Variants in NAV2 observed in about 807,000 individuals in gnomAD.
NAV2 encodes the protein helicase, APC down-regulated 1.
Under a neutral mutation model 223.2 loss-of-function variants are expected in NAV2, and 54 were observed. That is an observed-to-expected ratio of 0.24 (90% confidence interval 0.19 to 0.30). The LOEUF (loss-of-function observed/expected upper bound fraction) is 0.30. NAV2 is among the 10% of genes least tolerant of loss of function. The probability of loss-of-function intolerance (pLI) is 1.00; values close to 1 mark genes in which losing one functional copy is unlikely to be tolerated. For missense variants in NAV2, 2,806 were observed against 3,147.5 expected (o/e 0.89, Z 2.60); for synonymous variants, 1,279 against 1,239.3 (o/e 1.03, Z -0.67).
At chr11:20,085,970 G>A (rs1326874575) in intron 26 of NAV2, among the ~76,000 whole-genome samples, 2 of 152,184 alleles carry the variant, frequency 1.3e-5, no homozygotes, top group African/African-American at 2.4e-5. Context: ...GCCTCCCAAT[G>A]AGCAGGGCAG....
intron 1 of NAV2, among the ~76,000 whole-genome samples, chr11:19,391,137 A>G (rs550849561): frequency 6.6e-6 from 1 of 152,288 alleles, no homozygotes; most frequent in Admixed American, 6.5e-5. Context: ...CATTGCTCAC[A>G]CTGCCTCCTG....
intron 11 of NAV2, among the ~76,000 whole-genome samples, chr11:20,011,698 G>A (rs1220931739): frequency 1.3e-5 from 2 of 152,186 alleles, no homozygotes; most frequent in African/African-American, 4.8e-5. Context: ...AAAAATGAGA[G>A]ATGTTTTATA....
Position 20,045,123 on chromosome 11 carries a change from A to C in NAV2, c.3355A>C (p.Ser1119Arg). The change falls in exon 14 of 38, where the codon AGC (serine) becomes CGC (arginine). Residue 1119 changes from serine (S) to arginine (R), a missense_variant. Around this residue, in one of 4 missense-constraint regions of NAV2, gnomAD observed 742 missense variants for 777.9 expected, o/e 0.95. Transcript: ENST00000349880. ...TAGGACACCTACTGCCAATGCCAAC[A>C]GCTTTGGGTTCAAGAAGCAGAGTGG... The part of the protein sequence containing the change: ...SSRTPTANAN[S>R]FGFKKQSGSA... 6.2e-7 allele frequency: 1 copy of C among 1,614,180 alleles called. No individual in the cohort carries two copies. The highest frequency in any genetic ancestry group is 8.5e-7 in the Non-Finnish European group (1 of 1,180,016).
chr11:19,436,332 G>T (rs1293832902), intron 1 of NAV2, among the ~76,000 whole-genome samples: 6 of 152,134 alleles, frequency 3.9e-5, no homozygotes, highest in African/African-American at 1.4e-4. Context: ...TTAAGAGACT[G>T]TTCTTTCCCC....
chr11:20,064,248 A>G (rs2058894481), intron 20 of NAV2, among the ~76,000 whole-genome samples: 1 of 152,152 alleles, frequency 6.6e-6, no homozygotes, highest in Admixed American at 6.5e-5. Context: ...ACCTAAATGC[A>G]CTTCTTCAAC....
intron 6 of NAV2, among the ~76,000 whole-genome samples, chr11:19,924,849 T>C (rs1187834200): frequency 6.6e-6 from 1 of 152,160 alleles, no homozygotes; most frequent in Non-Finnish European, 1.5e-5. Flanking sequence ...TGTTTATTGA[T>C]TTTTCTAACC....
At chr11:20,064,531 C>T (rs964968428) in intron 20 of NAV2, among the ~76,000 whole-genome samples, 1 of 152,112 alleles carries the variant, frequency 6.6e-6, no homozygotes, top group Non-Finnish European at 1.5e-5. Context: ...CAGCATTATG[C>T]AGACTTGGAG....
chr11:20,074,395 A>G (rs976615188), intron 22 of NAV2, among the ~76,000 whole-genome samples: 10 of 152,210 alleles, frequency 6.6e-5, no homozygotes, highest in African/African-American at 1.9e-4. Flanking sequence ...GGTGCTGAGA[A>G]GAACATATTT....
intron 1 of NAV2, among the ~76,000 whole-genome samples, chr11:19,524,225 G>A (rs1241688298): frequency 1.3e-5 from 2 of 152,206 alleles, no homozygotes; most frequent in Non-Finnish European, 2.9e-5. Flanking sequence ...ATGACTGGAG[G>A]AATGAGCACC....
intron 4 of NAV2, among the ~76,000 whole-genome samples, chr11:19,878,657 G>T (rs1357979673): frequency 6.6e-6 from 1 of 152,144 alleles, no homozygotes; most frequent in Non-Finnish European, 1.5e-5. Context: ...CTGGAGAAAG[G>T]GATGCTCCAA....
At chr11:19,437,018 T>C (rs1045229120) in intron 1 of NAV2, among the ~76,000 whole-genome samples, 1 of 152,188 alleles carries the variant, frequency 6.6e-6, no homozygotes, top group Admixed American at 6.5e-5. Flanking sequence ...GATCATGTAG[T>C]CAGCAGAGAC....
At chr11:20,027,301 G>C (rs996316510) in intron 11 of NAV2, 4 of 979,274 alleles carry the variant, frequency 4.1e-6, no homozygotes, top group African/African-American at 3.6e-5. Flanking sequence ...CGTTCCGCTC[G>C]GGCCCCGGGG....
chr11:19,590,141 A>C (rs2046017843), intron 1 of NAV2, among the ~76,000 whole-genome samples: 2 of 152,180 alleles, frequency 1.3e-5, no homozygotes, highest in Admixed American at 1.3e-4. Flanking sequence ...TGAGATAATA[A>C]TAGTACCTAG....
At chr11:19,448,617 A>G (rs932172250) in intron 1 of NAV2, among the ~76,000 whole-genome samples, 3 of 152,172 alleles carry the variant, frequency 2.0e-5, no homozygotes, top group Non-Finnish European at 2.9e-5. Context: ...CTGGGCTGTA[A>G]GTATTCATTA....
At chr11:19,848,651 A>G (rs948883351) in intron 3 of NAV2, among the ~76,000 whole-genome samples, 1 of 152,216 alleles carries the variant, frequency 6.6e-6, no homozygotes, top group Non-Finnish European at 1.5e-5. Context: ...GGCTTCCATG[A>G]GACAATCTAC....
intron 24 of NAV2, 67 bp downstream of exon 24, chr11:20,078,171 A>G (rs1233316164): frequency 9.2e-7 from 1 of 1,082,274 alleles, no homozygotes; most frequent in Non-Finnish European, 1.4e-6. Flanking sequence ...CCCTGACATC[A>G]TATGATGCAA....
intron 3 of NAV2, among the ~76,000 whole-genome samples, chr11:19,848,748 T>C (rs1751840412): frequency 6.6e-6 from 1 of 152,208 alleles, no homozygotes; most frequent in Non-Finnish European, 1.5e-5. Flanking sequence ...GACTTAAGTA[T>C]TTGTTAAAAA....
At chr11:19,717,469 G>A (rs1287051376) in intron 1 of NAV2, among the ~76,000 whole-genome samples, 1 of 152,252 alleles carries the variant, frequency 6.6e-6, no homozygotes, top group Non-Finnish European at 1.5e-5. Context: ...AGATGGGAAG[G>A]ACAGACTGGT....
chr11:20,083,894 C>T (rs929551589), intron 26 of NAV2, among the ~76,000 whole-genome samples: 2 of 152,236 alleles, frequency 1.3e-5, no homozygotes, highest in Non-Finnish European at 2.9e-5. Context: ...GTCTGTGCCG[C>T]TGACCCTAAG....
Sources: allele counts gnomAD v4.1 joint callset (sites outside exome capture counted in the v4.1 genomes callset), GRCh38; gene constraint gnomAD v4.1.1; regional missense constraint gnomAD v4.1.1; transcripts MANE v1.5; gene names NCBI Gene and HGNC (gene_info 2026-07-23, HGNC 2026-07-21).